The following SPATA13 variants were observed in gnomAD, a reference collection of about 807,000 sequenced individuals.
The protein encoded by SPATA13 is spermatogenesis-associated protein 13.
A neutral mutation model predicts 104.0 loss-of-function variants in SPATA13; 50 were observed. The observed-to-expected ratio is 0.48, with a 90% confidence interval of 0.38 to 0.61. SPATA13 has a LOEUF of 0.61. Ranked by LOEUF, SPATA13 falls within the 20% of genes least tolerant of loss-of-function variation. The pLI is 0.00. For synonymous variants in SPATA13, 606 were observed against 667.5 expected (o/e 0.91, Z 1.42); for missense variants, 1,524 against 1,690.6 (o/e 0.90, Z 1.73).
intron 1 of SPATA13, among the ~76,000 whole-genome samples, chr13:24,170,323 AGTGCATGCCCAACTGCT>A (rs1882917295): frequency 6.6e-6 from 1 of 152,226 alleles, no homozygotes; most frequent in Non-Finnish European, 1.5e-5. Context: ...ATTCAGTTTC[AGTGCATGCCCAACTGCT>A]GGGCTGGAAT....
chr13:24,260,971 C>G (rs1874036649), intron 4 of SPATA13, among the ~76,000 whole-genome samples: 1 of 152,142 alleles, frequency 6.6e-6, no homozygotes, highest in Admixed American at 6.5e-5. Context: ...TTTAGGCAGC[C>G]CGATTGCTAC....
At chr13:24,230,136 G>C (rs921513576) in intron 2 of SPATA13, among the ~76,000 whole-genome samples, 3 of 152,138 alleles carry the variant, frequency 2.0e-5, no homozygotes, top group African/African-American at 7.2e-5. Flanking sequence ...AATGTAATTT[G>C]GTTTGATATA....
chr13:24,184,762 CCT>C (rs1398502188), intron 1 of SPATA13, among the ~76,000 whole-genome samples: 1 of 152,046 alleles, frequency 6.6e-6, no homozygotes, highest in African/African-American at 2.4e-5. Flanking sequence ...CATGGTATGA[CCT>C]CTCTGGTGAC....
At chr13:24,152,696 A>G (rs1042625630) in intron 3 of SPATA13, among the ~76,000 whole-genome samples, 5 of 152,280 alleles carry the variant, frequency 3.3e-5, no homozygotes, top group African/African-American at 1.2e-4. Context: ...GTCACTCACC[A>G]TCACCCGTTC....
intron 1 of SPATA13, among the ~76,000 whole-genome samples, chr13:24,170,352 G>T (rs1232051206): frequency 6.6e-6 from 1 of 152,154 alleles, no homozygotes; most frequent in Non-Finnish European, 1.5e-5. Context: ...GGCTGGAATC[G>T]TCCAAATGGA....
At chr13:24,187,228 C>T (rs1005891264) in intron 1 of SPATA13, among the ~76,000 whole-genome samples, 1 of 152,150 alleles carries the variant, frequency 6.6e-6, no homozygotes, top group Non-Finnish European at 1.5e-5. Context: ...ATAGTCACAG[C>T]AAGATCTGCT....
chr13:24,135,451 A>G (rs928105517), intron 3 of SPATA13, among the ~76,000 whole-genome samples: 1 of 152,128 alleles, frequency 6.6e-6, no homozygotes, highest in African/African-American at 2.4e-5. Flanking sequence ...TAATCCCAGC[A>G]TTTTGGGAGA....
intron 1 of SPATA13, among the ~76,000 whole-genome samples, chr13:24,210,561 G>A (rs1333586675): frequency 1.3e-5 from 2 of 152,060 alleles, no homozygotes; most frequent in African/African-American, 4.8e-5. Flanking sequence ...TAAGTTGACC[G>A]TGTATGCATG....
chr13:24,033,932 G>A (rs551161808), intron 3 of SPATA13: 39 of 152,338 alleles, frequency 2.6e-4, no homozygotes, highest in African/African-American at 8.9e-4. Context: ...AAAGAAGAAG[G>A]CAATGGTGTT....
chr13:24,024,933 CATATATATATAAATATATATATAA>C (rs72310549), intron 3 of SPATA13, among the ~76,000 whole-genome samples: 2 of 147,242 alleles, frequency 1.4e-5, no homozygotes, highest in Non-Finnish European at 3.0e-5. Context: ...CATTCAAATT[CATATATATATAAATATATATATAA>C]ATATATATAT....
intron 3 of SPATA13, among the ~76,000 whole-genome samples, chr13:24,068,005 G>T (rs1879027632): frequency 6.6e-6 from 1 of 152,046 alleles, no homozygotes; most frequent in Non-Finnish European, 1.5e-5. Context: ...AATTAAAATT[G>T]TTTTTTATCT....
Position 24,302,678 on chromosome 13 carries a change from G to A in SPATA13, c.3739G>A (p.Val1247Ile), listed in dbSNP as rs745913840. 44 of 1,613,888 alleles carry A rather than the reference G, an allele frequency of 2.7e-5. No individual in the cohort carries two copies. The highest frequency in any genetic ancestry group is 2.0e-4 in the East Asian group (9 of 44,876). Residue 1247 changes from valine (V) to isoleucine (I), a missense_variant, in exon 13 of 13, where the codon GTC (valine) becomes ATC (isoleucine). By Grantham distance (29) the Val-to-Ile change is conservative. This residue lies in a region of SPATA13 where 435 missense variants were observed against 554.8 expected (regional missense o/e 0.78). Transcript: ENST00000382108. ...HQRHITMPTSVPQQQVFGLAE... is the reference protein window; with the variant it reads ...HQRHITMPTSIPQQQVFGLAE... ...GCGCCACATCACTATGCCCACAAGCGTCCCCCAGCAGCAGGTCTTTGGCCT... is the reference window on the plus strand; with the variant it reads ...GCGCCACATCACTATGCCCACAAGCATCCCCCAGCAGCAGGTCTTTGGCCT...
chr13:24,295,734 T>C (rs944751308), intron 10 of SPATA13, among the ~76,000 whole-genome samples: 2 of 152,212 alleles, frequency 1.3e-5, no homozygotes, highest in African/African-American at 4.8e-5. Flanking sequence ...AGCACCTGTA[T>C]GTGTTTACCA....
intron 3 of SPATA13, among the ~76,000 whole-genome samples, chr13:24,042,636 A>G (rs574192969): frequency 5.9e-5 from 9 of 152,210 alleles, no homozygotes; most frequent in African/African-American, 1.9e-4. Flanking sequence ...ATTCATTACC[A>G]GGGGGTAAAC....
At position 24,177,619 on chromosome 13, in the gene SPATA13, C is replaced by T. The variant is rs146393293; in HGVS notation, c.-112+16687C>T. Among the ~76,000 whole-genome samples, 375 of 152,198 alleles carry T rather than the reference C, an allele frequency of 2.5e-3. 1 individual carries two copies. Among genetic ancestry groups the T allele is most frequent in the African/African-American group, 8.8e-3 (366 of 41,536 alleles). ...GGACTACAGTTGCATGCCACCATGC[C>T]TAGCTAATTTTTTAAATTTTCTGTA... On this transcript the variant is annotated intron_variant, in intron 1 of 12. Coordinates refer to ENST00000382108, the MANE Select transcript of SPATA13 (RefSeq NM_001166271.3).
intron 4 of SPATA13, chr13:24,272,999 A>G (rs1343998424): frequency 6.5e-6 from 1 of 152,722 alleles, no homozygotes. Flanking sequence ...AGGGAGCGGC[A>G]GAGCAGAGGA....
At chr13:24,096,605 A>T (rs948989921) in intron 3 of SPATA13, among the ~76,000 whole-genome samples, 1 of 152,256 alleles carries the variant, frequency 6.6e-6, no homozygotes, top group African/African-American at 2.4e-5. Context: ...AAATAATAAT[A>T]ACAAGGGGGA....
chr13:24,257,343 T>C (rs930084803), intron 4 of SPATA13, among the ~76,000 whole-genome samples: 5 of 152,212 alleles, frequency 3.3e-5, no homozygotes, highest in African/African-American at 7.2e-5. Flanking sequence ...TCAGTCGATA[T>C]GGGTAGACCC....
intron 3 of SPATA13, among the ~76,000 whole-genome samples, chr13:24,090,550 C>T (rs185111613): frequency 2.6e-4 from 40 of 152,302 alleles, no homozygotes; most frequent in African/African-American, 8.9e-4. Flanking sequence ...CAATCCACCA[C>T]GTCCTACAGA....
Sources: gnomAD v4.1 joint callset for allele counts (sites outside exome capture counted in the v4.1 genomes callset) on GRCh38, gnomAD v4.1.1 for gene constraint, gnomAD v4.1.1 regional missense constraint, MANE v1.5 for transcripts, NCBI Gene and HGNC (gene_info 2026-07-23, HGNC 2026-07-21) for gene names.